SH3TC1: variants seen among roughly 807,000 people sequenced by gnomAD.
SH3TC1 encodes SH3 domain and tetratricopeptide repeat-containing protein 1.
Under a neutral mutation model 117.3 loss-of-function variants are expected in SH3TC1, and 135 were observed. That is an observed-to-expected ratio of 1.15 (90% CI 1.00 to 1.33). The LOEUF is 1.33. Ranked by LOEUF, SH3TC1 falls within the 40% of genes most tolerant of loss-of-function variation. SH3TC1 has a pLI of 0.00. For missense variants in SH3TC1, 2,092 were observed against 1,794.3 expected (o/e 1.17, Z -3.00); for synonymous variants, 898 against 816.9 (o/e 1.10, Z -1.69).
At chr4:8,207,268 C>T (rs1158814605) in intron 2 of SH3TC1, among the ~76,000 whole-genome samples, 5 of 152,178 alleles carry the variant, frequency 3.3e-5, no homozygotes, top group South Asian at 4.1e-4. Flanking sequence ...GCAGGAATCC[C>T]GCAGAAGTGA....
rs768614420 is a variant in SH3TC1 at position 8,235,461 on chromosome 4, G to A, written c.3311G>A (p.Gly1104Asp). 1.3e-6 allele frequency: 2 copies of A among 1,594,972 alleles called. No homozygotes were observed. Among genetic ancestry groups the A allele is most frequent in the South Asian group, 2.3e-5 (2 of 88,784 alleles). ...GCACAGAACGTGGCCCTGTACACAG[G>A]CGACCCCAACCTGGGGCTGGAGCTG... is the stretch of plus-strand genomic sequence containing the variant. ...QVAQNVALYT[G>D]DPNLGLELFE... is the part of the protein sequence containing the mutation. The change falls in exon 15 of 18, where the codon GGC becomes GAC. Residue 1104 changes from glycine (G) to aspartate (D), a missense_variant. Coordinates refer to ENST00000245105, the MANE Select transcript of SH3TC1 (RefSeq NM_018986.5).
intron 1 of SH3TC1, among the ~76,000 whole-genome samples, chr4:8,202,226 C>T (rs908990454): frequency 1.2e-4 from 18 of 152,184 alleles, no homozygotes; most frequent in African/African-American, 4.3e-4. Context: ...AAGCAAAGTC[C>T]GAGGCTGGGC....
chr4:8,236,045 C>T, intron 15 of SH3TC1: 1 of 536,588 alleles, frequency 1.9e-6, no homozygotes, highest in Admixed American at 3.6e-5. Context: ...CCCCTGGTGC[C>T]CAGGCGGGAG....
At position 8,205,182 on chromosome 4, in the gene SH3TC1, G is replaced by A. The variant is rs755985420; in HGVS notation, c.-13G>A. On this transcript the variant is annotated 5_prime_UTR_variant, in exon 2 of 18. Transcript: ENST00000245105. The surrounding 1 kb of genome is among the most constrained non-coding windows in gnomAD (Gnocchi z 5.4). ...CTGTCCACAGGGCCAGGCATGTGAG[G>A]TCTCTGCGGGTCATGGAGAACCTCC... The A allele has an allele frequency of 1.3e-6, 2 of 1,504,592 alleles. No individual in the cohort carries two copies. The highest frequency in any genetic ancestry group is 2.3e-5 in the Admixed American group (1 of 43,306). The allele number at this position is 1,504,592 out of a possible 1,614,324, so 93.2% of individuals were successfully genotyped here.
rs146011279 is a variant in SH3TC1 at position 8,215,143 on chromosome 4, C to T, written c.481+563C>T. 1.2e-3 allele frequency: 562 copies of T among 456,306 alleles called. 4 individuals are homozygous for T. Among genetic ancestry groups the T allele is most frequent in the African/African-American group, 1.0e-2 (500 of 50,220 alleles). The allele number at this position is 456,306 out of a possible 1,614,324, so 28.3% of individuals were successfully genotyped here. Reference sequence around the variant, plus strand: ...GGCTGTGCTTCTAGTTGCCTTCACACTCTGCCCTCTGTAATTTCACTCAAC... The same window carrying T: ...GGCTGTGCTTCTAGTTGCCTTCACATTCTGCCCTCTGTAATTTCACTCAAC... On this transcript the variant is annotated intron_variant, in intron 5 of 17. Coordinates refer to ENST00000245105, the MANE Select transcript of SH3TC1 (RefSeq NM_018986.5).
At chr4:8,220,891 A>G (rs1308471256) in intron 9 of SH3TC1, among the ~76,000 whole-genome samples, 1 of 152,230 alleles carries the variant, frequency 6.6e-6, no homozygotes, top group African/African-American at 2.4e-5. Flanking sequence ...CCATGCACTG[A>G]TGGCAGGAGC....
At chr4:8,196,163 C>T (rs1461732247), upstream of SH3TC1, among the ~76,000 whole-genome samples, 1 of 152,244 alleles carries the variant, frequency 6.6e-6, no homozygotes, top group African/African-American at 2.4e-5. This position sits in a 1 kb window ranked among gnomAD's most constrained non-coding sequence, Gnocchi z 4.6. Flanking sequence ...TTAGAAAAGT[C>T]CTTGAGTCTA....
At chr4:8,189,157 G>A (rs1717330160) in intron 1 of SH3TC1, among the ~76,000 whole-genome samples, 1 of 152,274 alleles carries the variant, frequency 6.6e-6, no homozygotes, top group South Asian at 2.1e-4. Flanking sequence ...CACCTGGCTT[G>A]GGCAGCCCGG....
intron 14 of SH3TC1, among the ~76,000 whole-genome samples, chr4:8,235,226 C>T (rs1263981911): frequency 6.6e-6 from 1 of 152,234 alleles, no homozygotes; most frequent in African/African-American, 2.4e-5. Flanking sequence ...TGGGCTGCAG[C>T]TGCACAGTCA....
At chr4:8,239,253 ACACACACACACAGAGACACATG>A (rs1415515971) in intron 17 of SH3TC1, among the ~76,000 whole-genome samples, 1 of 66,198 alleles carries the variant, frequency 1.5e-5, no homozygotes, top group Non-Finnish European at 4.9e-5. Flanking sequence ...ACAGGGACAC[ACACACACACACAGAGACACATG>A]CACACACATG....
rs779878761 is a variant in SH3TC1, at chr4:8,205,654, G to T, written c.172+288G>T. On this transcript the variant is annotated intron_variant, in intron 2 of 17. Coordinates refer to ENST00000245105, the MANE Select transcript of SH3TC1 (RefSeq NM_018986.5). This position sits in a 1 kb window ranked among gnomAD's most constrained non-coding sequence, Gnocchi z 5.4. ...GAGGCAGGGGCCTTTGAACCCCCATGTTCAGAGACCGTTCCAGAAACAGTC... is the reference window on the plus strand; with the variant it reads ...GAGGCAGGGGCCTTTGAACCCCCATTTTCAGAGACCGTTCCAGAAACAGTC... The T allele has an allele frequency of 1.6e-5, 12 of 763,562 alleles. No homozygotes were observed. In the Admixed American group the frequency reaches 2.0e-4, roughly 13 times the overall value. 47.3% of individuals were successfully genotyped at this position (763,562 alleles called of 1,614,324 possible).
chr4:8,225,140 G>T lies in SH3TC1; in HGVS notation c.1244-35G>T, dbSNP rs370986855. 130 of 1,613,174 alleles carry T rather than the reference G, an allele frequency of 8.1e-5. No individual in the cohort carries two copies. In the Middle Eastern group the frequency reaches 9.9e-4, roughly 12 times the overall value. On this transcript the variant is annotated intron_variant, in intron 10 of 17. Coordinates refer to ENST00000245105, the MANE Select transcript of SH3TC1 (RefSeq NM_018986.5). This position sits in a 1 kb window ranked among gnomAD's most constrained non-coding sequence, Gnocchi z 5.5. The stretch of plus-strand genomic sequence containing the variant: ...GGCAGGGGACCAGAGGTACTGGCTG[G>T]GGGTGTTGATTGCTTCTCTTTTCTC...
rs1717454831 is a variant in SH3TC1 at position 8,192,744 on chromosome 4, G to T, written c.-57+10534G>T. The stretch of plus-strand genomic sequence containing the variant: ...CCTGACCTCGTGATCCACCTGCCTT[G>T]GTCTCCCTAAGTGCTGGGATTACAG... On this transcript the variant is annotated intron_variant, in intron 1 of 16. Transcript: ENST00000508641. This position sits in a 1 kb window ranked among gnomAD's most constrained non-coding sequence, Gnocchi z 4.1. 6.6e-6 allele frequency among the ~76,000 whole-genome samples: 1 copy of T among 152,112 alleles called. No individual in the cohort carries two copies. Among genetic ancestry groups the T allele is most frequent in the African/African-American group, 2.4e-5 (1 of 41,410 alleles).
chr4:8,207,513 C>T (rs1277114861), intron 2 of SH3TC1, among the ~76,000 whole-genome samples: 2 of 152,188 alleles, frequency 1.3e-5, no homozygotes, highest in African/African-American at 2.4e-5. Flanking sequence ...ATAATCCTTG[C>T]GACAGAGGCT....
chr4:8,209,651 C>CGAGAGT lies in SH3TC1; in HGVS notation c.173-97_173-96insGAGAGT, dbSNP rs776854746. 2.6e-6 allele frequency: 4 copies of CGAGAGT among 1,567,044 alleles called. No individual in the cohort carries two copies. In the Admixed American group the frequency reaches 7.5e-5, roughly 30 times the overall value. On this transcript the variant is annotated intron_variant, in intron 2 of 17. Coordinates refer to ENST00000245105, the MANE Select transcript of SH3TC1 (RefSeq NM_018986.5). This position sits in a 1 kb window ranked among gnomAD's most constrained non-coding sequence, Gnocchi z 5.9. Reference sequence around the variant, plus strand: ...GCGGCTCGTGCGGGACAGAACTCACCTCTTTTCTTGCAGAGAGACCTGGAG... The same window carrying CGAGAGT: ...GCGGCTCGTGCGGGACAGAACTCACCGAGAGTTCTTTTCTTGCAGAGAGACCTGGAG...
chr4:8,222,540 A>AT (rs1162904980), intron 9 of SH3TC1, among the ~76,000 whole-genome samples: 11 of 151,216 alleles, frequency 7.3e-5, no homozygotes, highest in Non-Finnish European at 1.3e-4. Context: ...CGCCTGGCTA[A>AT]TTTTTGTATT....
chr4:8,221,991 A>C (rs868816343), intron 9 of SH3TC1, among the ~76,000 whole-genome samples: 8 of 152,316 alleles, frequency 5.3e-5, no homozygotes, highest in Middle Eastern at 3.4e-3. Context: ...TTCATATTAT[A>C]CTGGTAATTT....
rs1380304363 is a variant in SH3TC1, at chr4:8,216,214, G to A, written c.585G>A (p.Glu195=). The A allele has an allele frequency of 3.7e-6, 6 of 1,613,754 alleles. No individual in the cohort carries two copies. The highest frequency in any genetic ancestry group is 5.1e-6 in the Non-Finnish European group (6 of 1,180,018). The change falls in exon 6 of 18, where the codon GAG becomes GAA. Residue 195 remains glutamate (E), a synonymous_variant. Transcript: ENST00000245105. The part of the protein sequence containing the change: ...EETAIQVHVD[E]NALRLTHESL... ...CGGCCATCCAAGTCCATGTGGATGA[G>A]AACGCCTTAAGGCTGACCCACGAGA...
Position 8,219,502 on chromosome 4 carries a change from C to T in SH3TC1, c.1084C>T (p.Leu362Phe). Residue 362 changes from leucine (L) to phenylalanine (F), a missense_variant, in exon 9 of 18, where the codon CTC becomes TTC. By Grantham distance (22) the Leu-to-Phe change is conservative. Coordinates refer to ENST00000245105, the MANE Select transcript of SH3TC1 (RefSeq NM_018986.5). Reference protein sequence around the residue: ...SGRVGFVRSSLISMQGPVSEL... With the variant: ...SGRVGFVRSSFISMQGPVSEL... ...CCGGGTGGGGTTTGTGCGGAGCAGC[C>T]TCATCAGCATGCAGGGCCCCGTGTC... The T allele has an allele frequency of 6.3e-7, 1 of 1,585,216 alleles. No individual in the cohort carries two copies. The highest frequency in any genetic ancestry group is 8.6e-7 in the Non-Finnish European group (1 of 1,160,660).
Sources: gnomAD v4.1 joint callset for allele counts (sites outside exome capture counted in the v4.1 genomes callset) on GRCh38, gnomAD v4.1.1 for gene constraint, Gnocchi (gnomAD v3.1) non-coding constraint, MANE v1.5 for transcripts, NCBI Gene and HGNC (gene_info 2026-07-23, HGNC 2026-07-21) for gene names.